Variants in DLC1 observed in about 807,000 individuals in gnomAD.
DLC1 encodes the protein rho GTPase-activating protein 7.
Under a neutral mutation model 140.3 loss-of-function variants are expected in DLC1, and 54 were observed. The observed-to-expected ratio is 0.38, with a 90% CI of 0.31 to 0.48. DLC1 has a LOEUF of 0.48. Ranked by LOEUF, DLC1 falls within the 20% of genes least tolerant of loss-of-function variation. DLC1 has a pLI of 0.96. For missense variants in DLC1, 2,536 were observed against 1,907.0 expected, an observed-to-expected ratio of 1.33 and a Z score of -6.14; for synonymous variants, 986 against 728.1, an observed-to-expected ratio of 1.35 and a Z score of -5.70.
intron 5 of DLC1, among the ~76,000 whole-genome samples, chr8:13,195,416 A>G (rs12678758): frequency 0.43 from 66,110 of 152,026 alleles, 15,180 homozygotes; most frequent in East Asian, 0.84. Flanking sequence ...ATATAAATAA[A>G]TAGCTCCTGC....
chr8:13,304,735 T>G (rs1160517358), intron 5 of DLC1: 1 of 958,892 alleles, frequency 1.0e-6, no homozygotes. Context: ...TCATTTCTCA[T>G]CAGTCCTTGT....
chr8:13,252,858 T>C (rs1057428135), intron 5 of DLC1, among the ~76,000 whole-genome samples: 1 of 152,198 alleles, frequency 6.6e-6, no homozygotes, highest in African/African-American at 2.4e-5. Flanking sequence ...TCTTGACCTA[T>C]AGCCACATGT....
At chr8:13,506,815 A>G (rs1056381181) in intron 1 of DLC1, among the ~76,000 whole-genome samples, 18 of 152,042 alleles carry the variant, frequency 1.2e-4, no homozygotes, top group African/African-American at 4.1e-4. Context: ...CTCTCAGCAT[A>G]TGAACGAAGA....
chr8:13,543,839 G>A (rs182125428), intron 1 of DLC1, among the ~76,000 whole-genome samples: 3 of 152,172 alleles, frequency 2.0e-5, no homozygotes, highest in Non-Finnish European at 4.4e-5. Context: ...TGGAGACTCA[G>A]AAGAGGGGAG....
intron 5 of DLC1, among the ~76,000 whole-genome samples, chr8:13,230,827 C>T (rs564068513): frequency 2.6e-5 from 4 of 152,076 alleles, no homozygotes; most frequent in Non-Finnish European, 4.4e-5. Flanking sequence ...GAACTCCTGA[C>T]CTCAGGTGAT....
chr8:13,319,308 C>T (rs1015164943), intron 4 of DLC1, among the ~76,000 whole-genome samples: 1 of 152,176 alleles, frequency 6.6e-6, no homozygotes, highest in African/African-American at 2.4e-5. Flanking sequence ...GTTCCCTGCC[C>T]CGCCCTCCAC....
At chr8:13,294,342 C>T (rs1003811672) in intron 5 of DLC1, among the ~76,000 whole-genome samples, 13 of 152,144 alleles carry the variant, frequency 8.5e-5, no homozygotes, top group African/African-American at 2.9e-4. Flanking sequence ...GAAAGCATTG[C>T]TGAGATAAAT....
chr8:13,104,133 T>C (rs1819348049), intron 7 of DLC1, among the ~76,000 whole-genome samples: 2 of 152,126 alleles, frequency 1.3e-5, no homozygotes, highest in South Asian at 2.1e-4. Flanking sequence ...GACAATATAA[T>C]GTGTGCTATA....
intron 5 of DLC1, among the ~76,000 whole-genome samples, chr8:13,176,594 C>A (rs573664572): frequency 2.0e-5 from 3 of 152,080 alleles, no homozygotes; most frequent in Admixed American, 1.3e-4. Context: ...AACAAACACA[C>A]AAAACCCTCT....
intron 1 of DLC1, chr8:13,566,794 G>C: frequency 2.9e-6 from 2 of 684,722 alleles, no homozygotes; most frequent in Non-Finnish European, 4.5e-6. Flanking sequence ...AGGAAAAGGC[G>C]GGACGCCGCA....
intron 1 of DLC1, among the ~76,000 whole-genome samples, chr8:13,555,197 C>G (rs1255504709): frequency 6.6e-6 from 1 of 152,222 alleles, no homozygotes; most frequent in Non-Finnish European, 1.5e-5. Flanking sequence ...CCTCAGAACT[C>G]CATTGAACTC....
chr8:13,183,875 G>C (rs1419158364), intron 5 of DLC1, among the ~76,000 whole-genome samples: 1 of 152,160 alleles, frequency 6.6e-6, no homozygotes, highest in Non-Finnish European at 1.5e-5. Context: ...GATTGGAATA[G>C]TTTCAGAAGG....
At chr8:13,342,236 C>T (rs1389558893) in intron 4 of DLC1, 2 of 152,134 alleles carry the variant, frequency 1.3e-5, no homozygotes, top group Non-Finnish European at 2.9e-5. Flanking sequence ...AATGCTTACA[C>T]TGAAAAACAG....
At chr8:13,514,252 C>G (rs1162247803) in intron 1 of DLC1, among the ~76,000 whole-genome samples, 1 of 152,148 alleles carries the variant, frequency 6.6e-6, no homozygotes, top group Non-Finnish European at 1.5e-5. Flanking sequence ...TTACACCTCA[C>G]ACTGATGTGT....
chr8:13,239,535 GC>G (rs1442428871), intron 5 of DLC1, among the ~76,000 whole-genome samples: 8 of 152,222 alleles, frequency 5.3e-5, no homozygotes, highest in African/African-American at 1.7e-4. Context: ...GCTGTGATCA[GC>G]TTTTTTCACT....
chr8:13,437,361 C>A (rs772019917), intron 2 of DLC1, among the ~76,000 whole-genome samples: 2 of 152,192 alleles, frequency 1.3e-5, no homozygotes, highest in East Asian at 3.9e-4. Context: ...TCTTCTATTC[C>A]TAAGACATGC....
At chr8:13,440,715 G>A (rs961969696) in intron 2 of DLC1, among the ~76,000 whole-genome samples, 4 of 151,992 alleles carry the variant, frequency 2.6e-5, no homozygotes, top group East Asian at 1.9e-4. Context: ...GAATCATGGC[G>A]GACAGTCTTT....
At chr8:13,412,443 A>G (rs978125132) in intron 2 of DLC1, among the ~76,000 whole-genome samples, 6 of 152,156 alleles carry the variant, frequency 3.9e-5, no homozygotes, top group Non-Finnish European at 5.9e-5. Context: ...AGACAGTATA[A>G]TCAATACTGT....
At chr8:13,155,713 G>C (rs151335588) in intron 5 of DLC1, among the ~76,000 whole-genome samples, 1 of 151,964 alleles carries the variant, frequency 6.6e-6, no homozygotes, top group Non-Finnish European at 1.5e-5. Context: ...CCAAATCTGA[G>C]GTCTCCTGCT....
Sources: allele counts gnomAD v4.1 joint callset (sites outside exome capture counted in the v4.1 genomes callset), GRCh38; gene constraint gnomAD v4.1.1; transcripts MANE v1.5; gene names NCBI Gene and HGNC (gene_info 2026-07-23, HGNC 2026-07-21).